Variants in CADPS2 observed in about 807,000 individuals in gnomAD.
The protein encoded by CADPS2 is calcium dependent secretion activator 2, also known as calcium-dependent secretion activator 2.
A neutral mutation model predicts 172.5 loss-of-function variants in CADPS2; 93 were observed. That is an observed-to-expected ratio of 0.54 (90% confidence interval 0.46 to 0.64). The LOEUF (loss-of-function observed/expected upper bound fraction) is 0.64, where lower values mean the gene tolerates loss of function less well. CADPS2 is among the 30% of genes least tolerant of loss of function. The probability of loss-of-function intolerance (pLI) is 0.00; values close to 1 mark genes in which losing one functional copy is unlikely to be tolerated. For missense variants in CADPS2, 1,420 were observed against 1,565.9 expected, an observed-to-expected ratio of 0.91 and a Z score of 1.57; for synonymous variants, 546 against 555.2, an observed-to-expected ratio of 0.98 and a Z score of 0.23.
At chr7:122,569,840 T>C (rs1297965718) in intron 7 of CADPS2, among the ~76,000 whole-genome samples, 6 of 144,018 alleles carry the variant, frequency 4.2e-5, no homozygotes. Flanking sequence ...TGGAGAAAGC[T>C]GAAACTGGAT....
At chr7:122,715,712 A>G (rs966073830) in intron 2 of CADPS2, among the ~76,000 whole-genome samples, 1 of 118,006 alleles carries the variant, frequency 8.5e-6, no homozygotes, top group Admixed American at 8.4e-5. Flanking sequence ...ATTGCAAAGA[A>G]AAAAAAAAAG....
chr7:122,407,553 G>A lies in CADPS2; in HGVS notation c.2733C>T (p.Phe911=), dbSNP rs757844967. ...SFPLFQLLNN[F]LRNDTLLCNG... is the part of the protein sequence containing the mutation. The stretch of plus-strand genomic sequence containing the variant: ...GCAAATGCTCACTGTCATTTCGGAG[G>A]AAATTATTAAGCAGTTGGAAAAGAG... Residue 911 remains phenylalanine (F), a synonymous_variant, in exon 20 of 30, where the codon TTC becomes TTT. Transcript: ENST00000449022. 14 of 1,611,188 alleles carry A rather than the reference G, an allele frequency of 8.7e-6. No homozygotes were observed. The highest frequency in any genetic ancestry group is 1.2e-5 in the Non-Finnish European group (14 of 1,178,898).
intron 11 of CADPS2, among the ~76,000 whole-genome samples, chr7:122,484,410 A>G (rs1032186058): frequency 2.6e-5 from 4 of 152,074 alleles, no homozygotes; most frequent in Non-Finnish European, 5.9e-5. Flanking sequence ...GGGTACGATA[A>G]TCTCTTCAAC....
intron 8 of CADPS2, among the ~76,000 whole-genome samples, chr7:122,553,240 C>A (rs542441925): frequency 2.0e-5 from 3 of 152,212 alleles, no homozygotes; most frequent in African/African-American, 7.2e-5. Context: ...TTCCTATAGG[C>A]CTGCAATAAT....
At chr7:122,382,610 C>G (rs1301785523) in intron 24 of CADPS2, among the ~76,000 whole-genome samples, 1 of 151,834 alleles carries the variant, frequency 6.6e-6, no homozygotes, top group Non-Finnish European at 1.5e-5. Context: ...TTTAGTATAA[C>G]AGACAACATT....
chr7:122,539,884 C>T (rs1364523201), intron 8 of CADPS2, among the ~76,000 whole-genome samples: 1 of 151,806 alleles, frequency 6.6e-6, no homozygotes, highest in Non-Finnish European at 1.5e-5. Context: ...TGAAGAAAAA[C>T]ATTTTTTCAC....
intron 1 of CADPS2, among the ~76,000 whole-genome samples, chr7:122,809,452 G>A (rs1041837390): frequency 2.6e-5 from 4 of 151,696 alleles, no homozygotes; most frequent in Admixed American, 2.6e-4. Flanking sequence ...ATGGTGGTGG[G>A]TGCCTGTAAT....
At chr7:122,553,217 C>T (rs1029968703) in intron 8 of CADPS2, among the ~76,000 whole-genome samples, 2 of 152,272 alleles carry the variant, frequency 1.3e-5, no homozygotes, top group East Asian at 3.9e-4. Context: ...AGTCTGAATT[C>T]CTGACTAGCC....
At chr7:122,761,891 C>G (rs1052972055) in intron 1 of CADPS2, among the ~76,000 whole-genome samples, 1 of 147,662 alleles carries the variant, frequency 6.8e-6, no homozygotes, top group Non-Finnish European at 1.5e-5. Context: ...CTAGCTACTA[C>G]GGAAGCTTGG....
chr7:122,523,847 A>T (rs1384443349), intron 8 of CADPS2, among the ~76,000 whole-genome samples: 1 of 152,170 alleles, frequency 6.6e-6, no homozygotes, highest in Non-Finnish European at 1.5e-5. Flanking sequence ...AATAAATGGG[A>T]AAAATGTCCA....
intron 1 of CADPS2, among the ~76,000 whole-genome samples, chr7:122,833,064 C>T (rs907273058): frequency 1.3e-5 from 2 of 152,190 alleles, no homozygotes; most frequent in Non-Finnish European, 2.9e-5. Context: ...GATAGATTCA[C>T]TATCCATGCA....
Position 122,318,990 on chromosome 7 carries a change from CAT to C in CADPS2, c.*1173_*1174del. 6.6e-6 allele frequency: 1 copy of C among 152,252 alleles called. No individual in the cohort carries two copies. The highest frequency in any genetic ancestry group is 2.1e-4 in the South Asian group (1 of 4,826). 9.4% of individuals were successfully genotyped at this position (152,252 alleles called of 1,614,324 possible). ...TTTGGGAAATATCACAAAAATAATT[CAT>C]AGAGAACTTACGCAACATAATACAA... On this transcript the variant is annotated 3_prime_UTR_variant, in exon 30 of 30. Coordinates refer to ENST00000449022, the MANE Select transcript of CADPS2 (RefSeq NM_017954.11).
intron 26 of CADPS2, 26 bp from the exon 27 acceptor site, chr7:122,360,846 C>A: frequency 6.3e-7 from 1 of 1,579,312 alleles, no homozygotes. Context: ...AAGAGATAAT[C>A]ATGAGAATTA....
intron 25 of CADPS2, among the ~76,000 whole-genome samples, chr7:122,369,249 A>C (rs1313857932): frequency 6.7e-6 from 1 of 148,266 alleles, no homozygotes; most frequent in Non-Finnish European, 1.5e-5. Context: ...CTCCTGCCTC[A>C]GCCTCCCGGT....
At chr7:122,600,598 T>C (rs2072613324) in intron 6 of CADPS2, among the ~76,000 whole-genome samples, 1 of 152,108 alleles carries the variant, frequency 6.6e-6, no homozygotes, top group Admixed American at 6.6e-5. Context: ...ACCCCTGCTC[T>C]AAGCAATGTA....
intron 3 of CADPS2, among the ~76,000 whole-genome samples, chr7:122,654,643 A>G (rs539982315): frequency 3.5e-4 from 54 of 152,334 alleles, no homozygotes; most frequent in African/African-American, 1.2e-3. Flanking sequence ...CTCATTGACA[A>G]TGCACTTAGT....
intron 1 of CADPS2, among the ~76,000 whole-genome samples, chr7:122,848,416 C>A (rs1222116720): frequency 1.3e-5 from 2 of 152,168 alleles, no homozygotes; most frequent in South Asian, 4.1e-4. Context: ...TAGGGAAGAG[C>A]CCATTTATCT....
At chr7:122,697,870 A>C (rs1182388653) in intron 2 of CADPS2, 1 of 1,613,108 alleles carries the variant, frequency 6.2e-7, no homozygotes, top group Non-Finnish European at 8.5e-7. Context: ...CTCCACATGG[A>C]TTACTTTATC....
At chr7:122,814,647 T>C (rs1309574505) in intron 1 of CADPS2, among the ~76,000 whole-genome samples, 1 of 151,982 alleles carries the variant, frequency 6.6e-6, no homozygotes, top group South Asian at 2.1e-4. Context: ...AACAGCAGAG[T>C]TGAACTGTCA....
Sources: allele counts gnomAD v4.1 joint callset (sites outside exome capture counted in the v4.1 genomes callset), GRCh38; gene constraint gnomAD v4.1.1; transcripts MANE v1.5; gene names NCBI Gene and HGNC (gene_info 2026-07-23, HGNC 2026-07-21).